Variants in CTNNA3 observed in about 807,000 individuals in gnomAD.
CTNNA3 encodes catenin alpha-3.
A neutral mutation model predicts 95.7 loss-of-function variants in CTNNA3; 76 were observed. The observed-to-expected ratio is 0.79, with a 90% CI of 0.66 to 0.96. The LOEUF (loss-of-function observed/expected upper bound fraction) is 0.96. CTNNA3 is among the 40% of genes least tolerant of loss of function. CTNNA3 has a pLI of 0.00. For missense variants in CTNNA3, 1,191 were observed against 1,089.8 expected (o/e 1.09, Z -1.31); for synonymous variants, 431 against 374.4 (o/e 1.15, Z -1.74).
intron 7 of CTNNA3, among the ~76,000 whole-genome samples, chr10:67,037,632 T>C (rs1482642156): frequency 6.6e-6 from 1 of 152,082 alleles, no homozygotes; most frequent in Middle Eastern, 3.2e-3. Flanking sequence ...AAACCTGAAC[T>C]AAGACACTAA....
chr10:67,105,258 T>TAGATAGATAGATAGATAGAC (rs1328114679), intron 7 of CTNNA3, among the ~76,000 whole-genome samples: 3 of 152,044 alleles, frequency 2.0e-5, no homozygotes, highest in African/African-American at 7.2e-5. Context: ...GATAGATAGA[T>TAGATAGATAGATAGATAGAC]AGAATTAATT....
intron 17 of CTNNA3, among the ~76,000 whole-genome samples, chr10:65,947,754 C>G (rs886633951): frequency 9.2e-5 from 14 of 152,194 alleles, no homozygotes; most frequent in African/African-American, 3.4e-4. Flanking sequence ...ACAGCATAAC[C>G]TAGCCTAAAT....
At chr10:67,350,787 C>T (rs1224525841) in intron 5 of CTNNA3, among the ~76,000 whole-genome samples, 2 of 151,090 alleles carry the variant, frequency 1.3e-5, no homozygotes, top group Admixed American at 1.3e-4. Context: ...AACAGTTTTC[C>T]AGTTTCTTAT....
chr10:66,820,131 C>A (rs1166680238), intron 7 of CTNNA3, among the ~76,000 whole-genome samples: 1 of 150,876 alleles, frequency 6.6e-6, no homozygotes, highest in Non-Finnish European at 1.5e-5. Flanking sequence ...ACAGCATATT[C>A]ATACAATATA....
intron 5 of CTNNA3, among the ~76,000 whole-genome samples, chr10:67,395,819 A>T (rs1173031569): frequency 2.0e-5 from 3 of 152,170 alleles, no homozygotes; most frequent in African/African-American, 7.2e-5. Flanking sequence ...ATGTGGATAG[A>T]ATTATTTCCC....
chr10:66,375,317 G>C (rs1025501447), intron 12 of CTNNA3, among the ~76,000 whole-genome samples: 1 of 152,024 alleles, frequency 6.6e-6, no homozygotes, highest in African/African-American at 2.4e-5. Context: ...AAGAAGACTG[G>C]GGCTATAATG....
chr10:66,336,972 G>C (rs1253141128), intron 12 of CTNNA3, among the ~76,000 whole-genome samples: 2 of 152,094 alleles, frequency 1.3e-5, no homozygotes, highest in Non-Finnish European at 2.9e-5. Flanking sequence ...ATGAAGTGCA[G>C]TATAACAGAT....
intron 10 of CTNNA3, among the ~76,000 whole-genome samples, chr10:66,526,647 A>G (rs1841270995): frequency 6.6e-6 from 1 of 152,064 alleles, no homozygotes. Context: ...AACCATCCTA[A>G]TGGGTGTGAA....
chr10:65,957,158 C>A (rs2077748330), intron 17 of CTNNA3, among the ~76,000 whole-genome samples: 1 of 152,064 alleles, frequency 6.6e-6, no homozygotes, highest in Non-Finnish European at 1.5e-5. Context: ...TTCTTTGTGT[C>A]TTTTTATCTT....
chr10:67,293,775 T>C (rs1839928181), intron 5 of CTNNA3, among the ~76,000 whole-genome samples: 1 of 151,332 alleles, frequency 6.6e-6, no homozygotes, highest in Non-Finnish European at 1.5e-5. Flanking sequence ...TGTTTGGTTT[T>C]TTGTCCTTGC....
chr10:66,057,818 AG>A (rs1372643961), intron 15 of CTNNA3, among the ~76,000 whole-genome samples: 1 of 152,182 alleles, frequency 6.6e-6, no homozygotes, highest in Non-Finnish European at 1.5e-5. Context: ...TAAGCTGAAA[AG>A]CCAGGCATGT....
chr10:66,489,563 C>T (rs1010285616), intron 11 of CTNNA3, among the ~76,000 whole-genome samples: 4 of 152,076 alleles, frequency 2.6e-5, no homozygotes, highest in Non-Finnish European at 4.4e-5. Context: ...CACACACTTG[C>T]GCATGCACAC....
intron 2 of CTNNA3, among the ~76,000 whole-genome samples, chr10:67,623,535 A>G (rs545196830): frequency 6.6e-6 from 1 of 152,136 alleles, no homozygotes; most frequent in Non-Finnish European, 1.5e-5. Flanking sequence ...AGCTAGGACT[A>G]ACTACTCCCC....
intron 1 of CTNNA3, 117 bp from the exon 2 acceptor site, chr10:67,647,635 C>T: frequency 9.8e-6 from 7 of 717,646 alleles, no homozygotes; most frequent in South Asian, 5.7e-5. Flanking sequence ...CTGATATCAA[C>T]CATAGCCCTC....
At chr10:66,950,055 C>T (rs947072155) in intron 7 of CTNNA3, among the ~76,000 whole-genome samples, 1 of 152,148 alleles carries the variant, frequency 6.6e-6, no homozygotes, top group East Asian at 1.9e-4. Context: ...CCAATATGCT[C>T]CAACAAAACC....
intron 11 of CTNNA3, among the ~76,000 whole-genome samples, chr10:66,392,040 T>C (rs2092937352): frequency 6.6e-6 from 1 of 150,784 alleles, no homozygotes. Context: ...TTTTAAAATA[T>C]AACACCAAAA....
intron 1 of CTNNA3, among the ~76,000 whole-genome samples, chr10:67,707,706 T>C (rs892890464): frequency 5.3e-5 from 8 of 152,108 alleles, no homozygotes; most frequent in Admixed American, 2.0e-4. Context: ...TCAATAGCTA[T>C]AGGAATTAAA....
chr10:66,014,291 G>C (rs1430691683), intron 15 of CTNNA3, among the ~76,000 whole-genome samples: 1 of 152,072 alleles, frequency 6.6e-6, no homozygotes, highest in Non-Finnish European at 1.5e-5. Context: ...GTAGAAGCCT[G>C]CAAGAAGCAA....
intron 16 of CTNNA3, among the ~76,000 whole-genome samples, chr10:65,988,272 G>C (rs1040444332): frequency 4.0e-5 from 6 of 151,858 alleles, no homozygotes; most frequent in African/African-American, 1.5e-4. Flanking sequence ...TACATGTATA[G>C]AAATATATGT....
Sources: allele counts gnomAD v4.1 joint callset (sites outside exome capture counted in the v4.1 genomes callset), GRCh38; gene constraint gnomAD v4.1.1; transcripts MANE v1.5; gene names NCBI Gene and HGNC (gene_info 2026-07-23, HGNC 2026-07-21).